Variants in MACROD2 observed in about 807,000 individuals in gnomAD.
MACROD2 encodes the protein ADP-ribose glycohydrolase MACROD2.
MACROD2 carries 36 observed loss-of-function variants against 70.4 expected under a neutral mutation model. The observed-to-expected ratio is 0.51, with a 90% confidence interval of 0.39 to 0.68. MACROD2 has a LOEUF of 0.68. Ranked by LOEUF, MACROD2 falls within the 30% of genes least tolerant of loss-of-function variation. The probability of loss-of-function intolerance (pLI) is 0.00; values close to 1 mark genes in which losing one functional copy is unlikely to be tolerated. For missense variants in MACROD2, 496 were observed against 538.4 expected (o/e 0.92, Z 0.78); for synonymous variants, 172 against 178.8 (o/e 0.96, Z 0.30).
At chr20:14,362,633 T>G (rs1188877841) in intron 3 of MACROD2, among the ~76,000 whole-genome samples, 1 of 152,032 alleles carries the variant, frequency 6.6e-6, no homozygotes, top group Non-Finnish European at 1.5e-5. Flanking sequence ...AAAACCAAAC[T>G]TGCATCCCCA....
chr20:15,672,530 C>T (rs528917827), intron 8 of MACROD2, among the ~76,000 whole-genome samples: 5 of 152,088 alleles, frequency 3.3e-5, no homozygotes, highest in Admixed American at 3.3e-4. Context: ...GGGAACATAC[C>T]CTTGCTCCCA....
chr20:14,174,308 T>A (rs963100850), intron 3 of MACROD2, among the ~76,000 whole-genome samples: 1 of 152,106 alleles, frequency 6.6e-6, no homozygotes, highest in Non-Finnish European at 1.5e-5. Flanking sequence ...ATTAGACATG[T>A]CTGATCTCAG....
chr20:16,047,878 A>C (rs2067405398), intron 17 of MACROD2, among the ~76,000 whole-genome samples: 1 of 152,192 alleles, frequency 6.6e-6, no homozygotes, highest in Non-Finnish European at 1.5e-5. Flanking sequence ...GTTGGAACTG[A>C]TACCTCTGCA....
At chr20:14,800,178 A>T (rs2072557784) in intron 5 of MACROD2, among the ~76,000 whole-genome samples, 1 of 151,746 alleles carries the variant, frequency 6.6e-6, no homozygotes, top group Admixed American at 6.6e-5. Flanking sequence ...CATTTTAGGT[A>T]AGTTAGTCAT....
chr20:15,019,229 T>C (rs2075145858), intron 5 of MACROD2, among the ~76,000 whole-genome samples: 1 of 152,204 alleles, frequency 6.6e-6, no homozygotes, highest in Admixed American at 6.5e-5. Context: ...TAATTCTCAT[T>C]AGGACCTAAA....
At chr20:15,490,299 C>T (rs1568844715) in intron 7 of MACROD2, among the ~76,000 whole-genome samples, 2 of 149,112 alleles carry the variant, frequency 1.3e-5, no homozygotes, top group South Asian at 4.4e-4. Context: ...CTTTCTTTCT[C>T]CTTTCTTTCA....
At chr20:15,802,369 A>G (rs2063733959) in intron 8 of MACROD2, among the ~76,000 whole-genome samples, 1 of 152,098 alleles carries the variant, frequency 6.6e-6, no homozygotes, top group African/African-American at 2.4e-5. Flanking sequence ...CCTTGCTACT[A>G]TGTATAACTT....
chr20:14,925,354 GCC>G (rs1189092557), intron 5 of MACROD2, among the ~76,000 whole-genome samples: 1 of 152,112 alleles, frequency 6.6e-6, no homozygotes, highest in Non-Finnish European at 1.5e-5. Context: ...AGAAAACTCT[GCC>G]CTCAGATAGT....
chr20:14,064,513 A>G (rs374141126), intron 2 of MACROD2, among the ~76,000 whole-genome samples: 28 of 152,294 alleles, frequency 1.8e-4, no homozygotes, highest in African/African-American at 6.3e-4. Context: ...TAGATCAGAA[A>G]CCAGGAAGTC....
chr20:15,350,629 G>A (rs2078217611), intron 6 of MACROD2, among the ~76,000 whole-genome samples: 1 of 152,102 alleles, frequency 6.6e-6, no homozygotes, highest in African/African-American at 2.4e-5. Flanking sequence ...AAAATACTGT[G>A]AACTAAATAT....
chr20:15,757,622 G>T (rs755657326), intron 8 of MACROD2, among the ~76,000 whole-genome samples: 7 of 152,136 alleles, frequency 4.6e-5, no homozygotes, highest in Non-Finnish European at 8.8e-5. Flanking sequence ...AATAGACTGG[G>T]TGATCTAAAC....
chr20:15,996,555 A>G (rs1352530645), intron 15 of MACROD2, among the ~76,000 whole-genome samples: 1 of 152,000 alleles, frequency 6.6e-6, no homozygotes, highest in Non-Finnish European at 1.5e-5. Context: ...TTTCTTTTTT[A>G]AATCAGGTAA....
intron 3 of MACROD2, among the ~76,000 whole-genome samples, chr20:14,096,736 T>C (rs1046060066): frequency 6.6e-6 from 1 of 152,202 alleles, no homozygotes; most frequent in African/African-American, 2.4e-5. Context: ...GTTTGAGCCA[T>C]AGAGCTAAGA....
chr20:15,497,065 G>A (rs76216523), intron 7 of MACROD2, among the ~76,000 whole-genome samples: 1,880 of 152,268 alleles, frequency 0.012, 82 homozygotes, highest in East Asian at 0.085. Context: ...AGGGGAGTCC[G>A]TCAAACATGG....
intron 3 of MACROD2, among the ~76,000 whole-genome samples, chr20:14,205,746 C>T (rs1215957024): frequency 2.0e-5 from 3 of 152,118 alleles, no homozygotes; most frequent in South Asian, 2.1e-4. Flanking sequence ...ATTGTCTTTG[C>T]AGGAAGTGGA....
intron 8 of MACROD2, 59 bp downstream of exon 8, chr20:15,499,906 C>T (rs576391355): frequency 1.3e-6 from 2 of 1,502,944 alleles, no homozygotes; most frequent in East Asian, 2.3e-5. Flanking sequence ...TGCTCAGTTC[C>T]CCCCAAAAAA....
At chr20:16,026,528 C>T (rs2067083066) in intron 15 of MACROD2, among the ~76,000 whole-genome samples, 1 of 152,180 alleles carries the variant, frequency 6.6e-6, no homozygotes, top group African/African-American at 2.4e-5. Flanking sequence ...AATTCCAGCC[C>T]CATTTCACCT....
intron 8 of MACROD2, among the ~76,000 whole-genome samples, chr20:15,550,570 T>G (rs1316082069): frequency 7.9e-5 from 12 of 152,212 alleles, no homozygotes; most frequent in Admixed American, 7.9e-4. Context: ...ATTTTTTCAT[T>G]TTAATAGTTT....
chr20:14,016,717 T>C (rs2052997215), intron 2 of MACROD2, among the ~76,000 whole-genome samples: 1 of 152,176 alleles, frequency 6.6e-6, no homozygotes, highest in Non-Finnish European at 1.5e-5. Flanking sequence ...TTCTATTGAT[T>C]TGTAAATCTC....
Sources: allele counts gnomAD v4.1 joint callset (sites outside exome capture counted in the v4.1 genomes callset), GRCh38; gene constraint gnomAD v4.1.1; transcripts MANE v1.5; gene names NCBI Gene and HGNC (gene_info 2026-07-23, HGNC 2026-07-21).